LTBP4: variants seen among roughly 807,000 people sequenced by gnomAD.
LTBP4 encodes latent-transforming growth factor beta-binding protein 4.
A neutral mutation model predicts 180.2 loss-of-function variants in LTBP4; 93 were observed. The observed-to-expected ratio is 0.52, with a 90% confidence interval of 0.44 to 0.61. The LOEUF (loss-of-function observed/expected upper bound fraction) is 0.61, where lower values mean the gene tolerates loss of function less well. Ranked by LOEUF, LTBP4 falls within the 20% of genes least tolerant of loss-of-function variation. LTBP4 has a pLI of 0.00. For synonymous variants in LTBP4, 947 were observed against 934.5 expected (o/e 1.01, Z -0.24); for missense variants, 2,116 against 2,256.5 (o/e 0.94, Z 1.26).
Position 40,606,486 on chromosome 19 carries a change from C to A in LTBP4, c.951C>A (p.Pro317=). The change falls in exon 6 of 30, where the codon CCC becomes CCA. Residue 317 remains proline, a synonymous_variant. Transcript: ENST00000396819. The stretch of plus-strand genomic sequence containing the variant: ...GCGGCGGGTACACGTGTGTGTGCCC[C>A]GACGGCTTTCTGCTCGACTCGTCCC... ...NTRGGYTCVC[P]DGFLLDSSRS... is the part of the protein sequence containing the mutation. 1 of 1,577,136 alleles carries A rather than the reference C, an allele frequency of 6.3e-7. No homozygotes were observed. Among genetic ancestry groups the A allele is most frequent in the African/African-American group, 1.4e-5 (1 of 74,060 alleles).
chr19:40,617,643 C>CAAAAAAA (rs56053315), intron 21 of LTBP4, among the ~76,000 whole-genome samples: 3 of 118,792 alleles, frequency 2.5e-5, no homozygotes, highest in Non-Finnish European at 5.7e-5. Flanking sequence ...GACCCTGTCT[C>CAAAAAAA]AAAAAAAAAA....
intron 26 of LTBP4, among the ~76,000 whole-genome samples, chr19:40,625,141 A>G (rs118004028): frequency 0.012 from 1,851 of 148,704 alleles, 14 homozygotes; most frequent in Non-Finnish European, 0.019. Context: ...CAGTGGCACA[A>G]TCACAGCTCA....
chr19:40,613,775 T>C lies in LTBP4; in HGVS notation c.2558-141T>C. On this transcript the variant is annotated intron_variant, in intron 17 of 29. Transcript: ENST00000396819. This position sits in a 1 kb window ranked among gnomAD's most constrained non-coding sequence, Gnocchi z 5.0. ...GTTCTAAACCCGTCGGGGGGCGGTG[T>C]TTGCAGGGAGGGAAGTAGCGTGAGG... 7.3e-7 allele frequency: 1 copy of C among 1,363,758 alleles called. No individual in the cohort carries two copies. The highest frequency in any genetic ancestry group is 1.0e-6 in the Non-Finnish European group (1 of 987,148). The allele number at this position is 1,363,758 out of a possible 1,614,324, so 84.5% of individuals were successfully genotyped here. A position where few individuals can be genotyped will look rare whatever the true frequency, so the allele number is the denominator to read the frequency against.
rs373819567 is a variant in LTBP4 at position 40,613,174 on chromosome 19, G to A, written c.2409G>A (p.Ser803=). The A allele has an allele frequency of 1.5e-5, 24 of 1,572,112 alleles. No homozygotes were observed. Among genetic ancestry groups the A allele is most frequent in the Non-Finnish European group, 9.5e-6 (11 of 1,159,224 alleles). Residue 803 remains serine, a synonymous_variant, in exon 16 of 30, where the codon TCG becomes TCA. Transcript: ENST00000396819. The surrounding 1 kb of genome is among the most constrained non-coding windows in gnomAD (Gnocchi z 5.0). ...GCGCGCCAGGCTACCGGGCGCCGTC[G>A]GGTCGGCCCGGGCCCTGCGCAGGTG... The part of the protein sequence containing the change: ...CSCAPGYRAP[S]GRPGPCADVN...
intron 1 of LTBP4, among the ~76,000 whole-genome samples, chr19:40,602,369 C>T (rs1279307654): frequency 1.3e-5 from 2 of 151,780 alleles, no homozygotes; most frequent in Non-Finnish European, 2.9e-5. Flanking sequence ...TGGGGGAGGG[C>T]GCACCACCTG....
Position 40,624,000 on chromosome 19 carries a change from C to A in LTBP4, c.3750C>A (p.Gly1250=), listed in dbSNP as rs763939041. Residue 1250 remains glycine, a synonymous_variant, in exon 26 of 30, where the codon GGC becomes GGA. Transcript: ENST00000396819. ...CEGGRCVNTV[G]SYHCTCEPPL... The stretch of plus-strand genomic sequence containing the variant: ...GCGGCCGCTGTGTCAACACTGTGGG[C>A]TCTTATCACTGTACCTGCGAGCCCC... 6.2e-7 allele frequency: 1 copy of A among 1,613,088 alleles called. No homozygotes were observed. Among genetic ancestry groups the A allele is most frequent in the East Asian group, 2.2e-5 (1 of 44,864 alleles).
At chr19:40,620,469 T>A (rs1314045935) in intron 22 of LTBP4, among the ~76,000 whole-genome samples, 5 of 151,816 alleles carry the variant, frequency 3.3e-5, no homozygotes, top group African/African-American at 1.2e-4. Flanking sequence ...TTTTTTTTTT[T>A]TAATTTTTAA....
At chr19:40,626,123 G>T in intron 27 of LTBP4, 114 bp downstream of exon 27, 1 of 1,208,832 alleles carries the variant, frequency 8.3e-7, no homozygotes, top group South Asian at 1.6e-5. Flanking sequence ...CTGTCCCCTA[G>T]ACCAACCCCT....
chr19:40,624,779 A>C (rs1263541201), intron 26 of LTBP4, among the ~76,000 whole-genome samples: 1 of 151,774 alleles, frequency 6.6e-6, no homozygotes, highest in Non-Finnish European at 1.5e-5. Flanking sequence ...GTACCACATG[A>C]GTGCTGCCTG....
upstream of LTBP4, chr19:40,599,100 C>T (rs1454532204): frequency 7.4e-6 from 8 of 1,085,592 alleles, no homozygotes; most frequent in African/African-American, 1.3e-4. Flanking sequence ...TTTCAAGCCC[C>T]CTCAGGATGC....
At chr19:40,626,567 G>A (rs2081635210) in intron 27 of LTBP4, among the ~76,000 whole-genome samples, 1 of 152,046 alleles carries the variant, frequency 6.6e-6, no homozygotes, top group Non-Finnish European at 1.5e-5. Flanking sequence ...TAGGAACCCA[G>A]TTCCAAAGCC....
rs2081623641 is a variant in LTBP4 at position 40,625,301 on chromosome 19, TATATATATA to T, written c.3833-555_3833-547del. ...ATATATATATATATATATATATATA[TATATATATA>T]TATATATTTTTTTTTTTAAAGATGG... On this transcript the variant is annotated intron_variant, in intron 26 of 29. Coordinates refer to ENST00000396819, the MANE Select transcript of LTBP4 (RefSeq NM_001042545.2). 5.9e-4 allele frequency among the ~76,000 whole-genome samples: 12 copies of T among 20,382 alleles called. 2 individuals are homozygous for T. The highest frequency in any genetic ancestry group is 7.5e-4 in the Non-Finnish European group (10 of 13,360). The allele number at this position is 20,382 out of a possible 152,430, so 13.4% of individuals were successfully genotyped here. A position where few individuals can be genotyped will look rare whatever the true frequency, so the allele number is the denominator to read the frequency against.
At chr19:40,608,652 C>T (rs916708873) in intron 9 of LTBP4, 49 bp downstream of exon 9, 6 of 1,543,704 alleles carry the variant, frequency 3.9e-6, no homozygotes, top group Non-Finnish European at 5.2e-6. Context: ...GTGGCTCACG[C>T]CTGTAATCCC....
upstream of LTBP4, chr19:40,601,340 C>A: frequency 9.8e-7 from 1 of 1,021,838 alleles, no homozygotes; most frequent in Non-Finnish European, 1.2e-6. Context: ...CGGCCGGGCC[C>A]CTCGGGCGGG....
chr19:40,596,953 G>C (rs1568399053), upstream of LTBP4, among the ~76,000 whole-genome samples: 1 of 152,050 alleles, frequency 6.6e-6, no homozygotes, highest in Admixed American at 6.5e-5. Flanking sequence ...GAAGGTTCAC[G>C]GAGCCAGTAT....
At chr19:40,599,481 A>T, upstream of LTBP4, 1 of 1,613,822 alleles carries the variant, frequency 6.2e-7, no homozygotes, top group Non-Finnish European at 8.5e-7. Context: ...CGGTGCCTGA[A>T]CCCAGTGCCT....
chr19:40,613,321 G>A lies in LTBP4; in HGVS notation c.2432-83G>A. The A allele has an allele frequency of 6.4e-7, 1 of 1,552,310 alleles. No homozygotes were observed. The highest frequency in any genetic ancestry group is 8.7e-7 in the Non-Finnish European group (1 of 1,147,764). On this transcript the variant is annotated intron_variant, in intron 16 of 29. Coordinates refer to ENST00000396819, the MANE Select transcript of LTBP4 (RefSeq NM_001042545.2). The surrounding 1 kb of genome is among the most constrained non-coding windows in gnomAD (Gnocchi z 5.0). ...AGGAGCTTAGAAACCTGGCATTGGT[G>A]GGGGCGGGGTTACTGCGATGTGGGC...
intron 6 of LTBP4, among the ~76,000 whole-genome samples, chr19:40,606,745 A>G (rs1310282301): frequency 6.8e-6 from 1 of 147,902 alleles, no homozygotes; most frequent in Non-Finnish European, 1.5e-5. Context: ...ATCCCTCCAG[A>G]CTCCCAGACT....
chr19:40,610,992 C>A, intron 12 of LTBP4, 160 bp from the exon 13 acceptor site: 2 of 1,026,758 alleles, frequency 1.9e-6, no homozygotes, highest in Non-Finnish European at 1.4e-6. Context: ...AGCCAGGCAG[C>A]TTAGTAGGGA....
Sources: gnomAD v4.1 joint callset for allele counts (sites outside exome capture counted in the v4.1 genomes callset) on GRCh38, gnomAD v4.1.1 for gene constraint, Gnocchi (gnomAD v3.1) non-coding constraint, MANE v1.5 for transcripts, NCBI Gene and HGNC (gene_info 2026-07-23, HGNC 2026-07-21) for gene names.